NIBAN1: variants seen among roughly 807,000 people sequenced by gnomAD.
NIBAN1 encodes niban apoptosis regulator 1, also known as protein Niban 1.
Under a neutral mutation model 75.1 loss-of-function variants are expected in NIBAN1, and 81 were observed. That is an observed-to-expected ratio of 1.08 (90% confidence interval 0.90 to 1.30). NIBAN1 has a LOEUF of 1.30. NIBAN1 is among the 50% of genes most tolerant of loss of function. The probability of loss-of-function intolerance (pLI) is 0.00; values close to 1 mark genes in which losing one functional copy is unlikely to be tolerated. For synonymous variants in NIBAN1, 436 were observed against 424.8 expected (o/e 1.03, Z -0.32); for missense variants, 1,133 against 1,128.1 (o/e 1.00, Z -0.06).
rs1658713056 is a variant in NIBAN1 at position 184,963,937 on chromosome 1, A to G, written c.55+10365T>C. On this transcript the variant is annotated intron_variant, in intron 1 of 13. Coordinates refer to ENST00000367511, the MANE Select transcript of NIBAN1 (RefSeq NM_052966.4). ...GAAGGATAGCCTACACCTTCTGACA[A>G]TGAGTAAGAAGAAAGAGGGTCTTGC... Among the ~76,000 whole-genome samples the G allele has an allele frequency of 3.9e-5, 6 of 152,322 alleles. No homozygotes were observed. The South Asian group carries it at 1.2e-3, about 32-fold the overall frequency.
intron 5 of NIBAN1, among the ~76,000 whole-genome samples, chr1:184,852,236 T>C (rs550980788): frequency 4.6e-5 from 7 of 152,210 alleles, no homozygotes; most frequent in Non-Finnish European, 1.0e-4. Context: ...GTTCTGCTTT[T>C]CAGGAATGGA....
At chr1:184,808,276 GA>G in intron 9 of NIBAN1, 41 bp from the exon 10 acceptor site, 1 of 1,599,940 alleles carries the variant, frequency 6.3e-7, no homozygotes, top group South Asian at 1.1e-5. Flanking sequence ...CCCTCAGAAT[GA>G]GGAGCGGTAT....
chr1:184,899,144 G>C, intron 2 of NIBAN1, 35 bp downstream of exon 2: 1 of 1,610,910 alleles, frequency 6.2e-7, no homozygotes, highest in Non-Finnish European at 8.5e-7. Context: ...CTTCTTCAAG[G>C]GGAAATACAT....
chr1:184,839,949 T>C (rs1655240215), intron 5 of NIBAN1, among the ~76,000 whole-genome samples: 3 of 152,186 alleles, frequency 2.0e-5, no homozygotes, highest in Admixed American at 2.0e-4. Flanking sequence ...TCTCAAAGTT[T>C]AGAATAATAT....
chr1:184,862,112 A>G (rs1294207841), intron 5 of NIBAN1, among the ~76,000 whole-genome samples: 1 of 152,156 alleles, frequency 6.6e-6, no homozygotes, highest in Non-Finnish European at 1.5e-5. Flanking sequence ...AGACCATGCC[A>G]AAGTACATAT....
intron 1 of NIBAN1, among the ~76,000 whole-genome samples, chr1:184,961,057 CTTTTTTT>C (rs1168955438): frequency 3.5e-5 from 2 of 57,866 alleles, no homozygotes; most frequent in East Asian, 6.2e-4. Context: ...ATATGCCGTT[CTTTTTTT>C]TTTTTTTTTT....
At chr1:184,921,279 A>C (rs1010597932) in intron 1 of NIBAN1, among the ~76,000 whole-genome samples, 1 of 152,164 alleles carries the variant, frequency 6.6e-6, no homozygotes, top group African/African-American at 2.4e-5. Context: ...CCTGGGCAAC[A>C]AGGGTGAAAC....
intron 12 of NIBAN1, among the ~76,000 whole-genome samples, chr1:184,801,818 C>T (rs1389511832): frequency 6.6e-6 from 1 of 152,222 alleles, no homozygotes; most frequent in African/African-American, 2.4e-5. Flanking sequence ...TTTCAACCAG[C>T]TAAATAATTC....
intron 1 of NIBAN1, among the ~76,000 whole-genome samples, chr1:184,936,329 T>C (rs1657961380): frequency 6.6e-6 from 1 of 152,022 alleles, no homozygotes; most frequent in South Asian, 2.1e-4. Flanking sequence ...CCCTGGAGAG[T>C]GAAGGAGCAA....
intron 1 of NIBAN1, among the ~76,000 whole-genome samples, chr1:184,970,169 C>CA (rs540891439): frequency 0.021 from 1,525 of 71,292 alleles, 18 homozygotes; most frequent in Admixed American, 0.074. Context: ...GACCCTGTCT[C>CA]AAAAAAAAAA....
chr1:184,966,579 T>C (rs537380658), intron 1 of NIBAN1, among the ~76,000 whole-genome samples: 12 of 152,288 alleles, frequency 7.9e-5, no homozygotes, highest in African/African-American at 2.9e-4. Flanking sequence ...ATAGTGGTCA[T>C]TTTTGGAGAA....
chr1:184,896,377 T>A (rs1193032695), intron 2 of NIBAN1, among the ~76,000 whole-genome samples: 3 of 152,230 alleles, frequency 2.0e-5, no homozygotes, highest in African/African-American at 7.2e-5. Flanking sequence ...TGTCTGTTCA[T>A]GTCCTTTGCC....
intron 5 of NIBAN1, among the ~76,000 whole-genome samples, chr1:184,883,216 A>T (rs552397408): frequency 6.6e-6 from 1 of 152,356 alleles, no homozygotes; most frequent in East Asian, 1.9e-4. Context: ...TCACCTGCTC[A>T]TACAGGACTC....
Position 184,818,775 on chromosome 1 carries a change from A to G in NIBAN1, c.1036T>C (p.Phe346Leu), listed in dbSNP as rs369233391. The change falls in exon 9 of 14, where the codon TTC becomes CTC. Residue 346 changes from phenylalanine to leucine, a missense_variant. Physicochemically the swap from Phe to Leu is conservative, Grantham distance 22. Transcript: ENST00000367511. Reference protein sequence around the residue: ...EKSCLESVQPFLASILEELMG... With the variant: ...EKSCLESVQPLLASILEELMG... ...AGCTCCTCCAGGATGGATGCCAGGA[A>G]TGGCTGCACACTCTCCAAGCAGCTT... 5 of 1,611,930 alleles carry G rather than the reference A, an allele frequency of 3.1e-6. No homozygotes were observed. The Admixed American group carries it at 5.0e-5, about 16-fold the overall frequency.
rs150049820 is a variant in NIBAN1 at position 184,810,012 on chromosome 1, C to T, written c.1174-1777G>A. 2.0e-3 allele frequency among the ~76,000 whole-genome samples: 303 copies of T among 151,916 alleles called. 3 individuals carry two copies. Among genetic ancestry groups the T allele is most frequent in the African/African-American group, 7.1e-3 (294 of 41,390 alleles). On this transcript the variant is annotated intron_variant, in intron 9 of 13. Transcript: ENST00000367511. ...AATGGCATATGCTAAGTTGTTAACA[C>T]GAGTTGCTTGAGGGGAGGAGGTGGC...
chr1:184,855,754 G>A (rs1571521528), intron 5 of NIBAN1, among the ~76,000 whole-genome samples: 1 of 152,252 alleles, frequency 6.6e-6, no homozygotes, highest in Middle Eastern at 3.4e-3. Flanking sequence ...AGGCATCTTT[G>A]TTTTGCTCAT....
intron 1 of NIBAN1, among the ~76,000 whole-genome samples, chr1:184,955,333 TTTCC>T (rs1658458567): frequency 6.9e-6 from 1 of 145,738 alleles, no homozygotes; most frequent in African/African-American, 2.6e-5. Flanking sequence ...TTTCCTTTCC[TTTCC>T]TTTCCTTTCC....
In NIBAN1 at chr1:184,907,363, A is replaced by G. The variant is rs551218498; in HGVS notation, c.56-8054T>C. The stretch of plus-strand genomic sequence containing the variant: ...AGGAAAATCCACATATGAGAAGATT[A>G]ATCAGGCCATTGGCACAGTTTCTTA... On this transcript the variant is annotated intron_variant, in intron 1 of 13. Coordinates refer to ENST00000367511, the MANE Select transcript of NIBAN1 (RefSeq NM_052966.4). Among the ~76,000 whole-genome samples, 7 of 152,358 alleles carry G rather than the reference A, an allele frequency of 4.6e-5. No individual in the cohort carries two copies. The South Asian group carries it at 1.4e-3, about 32-fold the overall frequency.
intron 1 of NIBAN1, among the ~76,000 whole-genome samples, chr1:184,952,559 A>C (rs1181313462): frequency 6.6e-6 from 1 of 152,210 alleles, no homozygotes; most frequent in Non-Finnish European, 1.5e-5. Flanking sequence ...AAGGATAGCT[A>C]ATGAGCTAAA....
Sources: allele counts gnomAD v4.1 joint callset (sites outside exome capture counted in the v4.1 genomes callset), GRCh38; gene constraint gnomAD v4.1.1; transcripts MANE v1.5; gene names NCBI Gene and HGNC (gene_info 2026-07-23, HGNC 2026-07-21).